NEGR1: variants seen among roughly 807,000 people sequenced by gnomAD.
The protein encoded by NEGR1 is IgLON family member 4.
In NEGR1, 10 loss-of-function variants were observed where a neutral mutation model predicts 40.9. That is an observed-to-expected ratio of 0.24 (90% CI 0.15 to 0.42). The LOEUF (loss-of-function observed/expected upper bound fraction) is 0.42. NEGR1 is among the 10% of genes least tolerant of loss of function. The probability of loss-of-function intolerance (pLI) is 1.00; values close to 1 mark genes in which losing one functional copy is unlikely to be tolerated. For missense variants in NEGR1, 352 were observed against 438.9 expected (o/e 0.80, Z 1.77); for synonymous variants, 185 against 166.8 (o/e 1.11, Z -0.84).
intron 2 of NEGR1, among the ~76,000 whole-genome samples, chr1:71,868,322 C>CA (rs537819107): frequency 2.0e-3 from 311 of 152,186 alleles, no homozygotes; most frequent in Middle Eastern, 3.4e-3. Flanking sequence ...AATCAATTTC[C>CA]TTTTAAGTGG....
intron 3 of NEGR1, among the ~76,000 whole-genome samples, chr1:71,715,978 C>G (rs774496694): frequency 6.6e-6 from 1 of 152,062 alleles, no homozygotes; most frequent in African/African-American, 2.4e-5. Flanking sequence ...CATATTAGAC[C>G]GTTCTCATGC....
intron 4 of NEGR1, among the ~76,000 whole-genome samples, chr1:71,615,120 C>A (rs1391787788): frequency 1.3e-5 from 2 of 152,018 alleles, no homozygotes; most frequent in Non-Finnish European, 2.9e-5. Flanking sequence ...AAACTTGAAC[C>A]AAAAACCTCT....
chr1:71,809,271 A>G lies in NEGR1; in HGVS notation c.410-32974T>C, dbSNP rs1434306050. Among the ~76,000 whole-genome samples the G allele has an allele frequency of 6.6e-5, 10 of 152,178 alleles. No homozygotes were observed. The East Asian group carries it at 1.3e-3, about 21-fold the overall frequency. On this transcript the variant is annotated intron_variant, in intron 2 of 6. Transcript: ENST00000357731. ...TCCTCCCATCATCATTACACAAGGC[A>G]GTTAAGTAAACAGATATAATAGGCC...
chr1:71,855,280 C>T (rs1659725701), intron 2 of NEGR1, among the ~76,000 whole-genome samples: 1 of 152,068 alleles, frequency 6.6e-6, no homozygotes, highest in Non-Finnish European at 1.5e-5. Flanking sequence ...GTGGTTTTCC[C>T]TGATGAACTA....
At chr1:72,093,807 C>T (rs1648591220) in intron 1 of NEGR1, among the ~76,000 whole-genome samples, 2 of 152,076 alleles carry the variant, frequency 1.3e-5, no homozygotes, top group African/African-American at 4.8e-5. Context: ...TCTTAATAAA[C>T]TTTTTGCAAT....
intron 6 of NEGR1, among the ~76,000 whole-genome samples, chr1:71,440,891 T>A (rs1043892999): frequency 6.6e-6 from 1 of 152,202 alleles, no homozygotes; most frequent in African/African-American, 2.4e-5. Flanking sequence ...CAGGTGAGTA[T>A]TTTAGAAAGA....
chr1:71,725,033 T>G (rs6689643), intron 3 of NEGR1, among the ~76,000 whole-genome samples: 48,062 of 151,988 alleles, frequency 0.32, 8,845 homozygotes, highest in East Asian at 0.57. Flanking sequence ...ATCATCAACC[T>G]TCATTGCCTA....
At chr1:71,431,181 C>A (rs1481795625) in intron 6 of NEGR1, among the ~76,000 whole-genome samples, 3 of 150,230 alleles carry the variant, frequency 2.0e-5, no homozygotes, top group Non-Finnish European at 4.4e-5. Flanking sequence ...GTATTCAAAT[C>A]CCACAAATAC....
chr1:71,690,405 G>A (rs1653215695), intron 4 of NEGR1, among the ~76,000 whole-genome samples: 1 of 151,720 alleles, frequency 6.6e-6, no homozygotes, highest in African/African-American at 2.4e-5. Flanking sequence ...CTATATGTTT[G>A]TACTGACTAA....
At chr1:72,119,044 C>A (rs1050669692) in intron 1 of NEGR1, among the ~76,000 whole-genome samples, 1 of 151,462 alleles carries the variant, frequency 6.6e-6, no homozygotes, top group African/African-American at 2.4e-5. Flanking sequence ...TTTAGATATC[C>A]AACCTTTTCC....
chr1:71,572,636 T>A (rs1483265312), intron 6 of NEGR1, among the ~76,000 whole-genome samples: 1 of 152,188 alleles, frequency 6.6e-6, no homozygotes, highest in Non-Finnish European at 1.5e-5. Context: ...AATAGCAGAC[T>A]TGTGGGTATA....
chr1:71,913,283 T>C (rs777690186), intron 2 of NEGR1, among the ~76,000 whole-genome samples: 5 of 151,974 alleles, frequency 3.3e-5, no homozygotes, highest in Non-Finnish European at 5.9e-5. Context: ...CCCAGCTAAT[T>C]TTTTTATTTT....
intron 1 of NEGR1, among the ~76,000 whole-genome samples, chr1:72,155,002 G>A (rs1301641495): frequency 6.6e-6 from 1 of 151,826 alleles, no homozygotes; most frequent in Non-Finnish European, 1.5e-5. Flanking sequence ...GTCCCCTAGT[G>A]AAAAAAATAC....
chr1:72,200,383 G>A (rs772517867), intron 1 of NEGR1, among the ~76,000 whole-genome samples: 2 of 151,936 alleles, frequency 1.3e-5, no homozygotes, highest in Non-Finnish European at 2.9e-5. Context: ...GGATGTTGCT[G>A]GGAGCCATTA....
intron 6 of NEGR1, among the ~76,000 whole-genome samples, chr1:71,420,644 C>T (rs1646388190): frequency 6.6e-6 from 1 of 151,862 alleles, no homozygotes; most frequent in South Asian, 2.1e-4. Context: ...ACATTCTAGG[C>T]TTATGTCGTT....
intron 1 of NEGR1, among the ~76,000 whole-genome samples, chr1:72,154,280 G>A (rs766792566): frequency 5.9e-5 from 9 of 151,760 alleles, no homozygotes; most frequent in African/African-American, 9.7e-5. Context: ...TATTTCAACC[G>A]AATTCACTAG....
chr1:71,525,452 A>G (rs924017441), intron 6 of NEGR1, among the ~76,000 whole-genome samples: 1 of 151,656 alleles, frequency 6.6e-6, no homozygotes, highest in Non-Finnish European at 1.5e-5. Context: ...TTAAAATCTA[A>G]ATTATAAAGA....
At chr1:72,226,763 A>G (rs1654204177) in intron 1 of NEGR1, among the ~76,000 whole-genome samples, 1 of 152,054 alleles carries the variant, frequency 6.6e-6, no homozygotes, top group Non-Finnish European at 1.5e-5. Context: ...TCAGAAAACA[A>G]ATTATTTTTA....
intron 6 of NEGR1, among the ~76,000 whole-genome samples, chr1:71,471,813 G>T (rs1646784051): frequency 6.6e-6 from 1 of 152,218 alleles, no homozygotes. Context: ...TCAACAGATT[G>T]TGTCAGTGAC....
Sources: gnomAD v4.1 joint callset for allele counts (sites outside exome capture counted in the v4.1 genomes callset) on GRCh38, gnomAD v4.1.1 for gene constraint, MANE v1.5 for transcripts, NCBI Gene and HGNC (gene_info 2026-07-23, HGNC 2026-07-21) for gene names.